The following ZNF536 variants were observed in gnomAD, a reference collection of about 807,000 sequenced individuals.
ZNF536 encodes the protein zinc finger protein 536.
In ZNF536, 13 loss-of-function variants were observed where a neutral mutation model predicts 84.5. The ratio of observed to expected loss-of-function variants is 0.15; its 90% CI spans 0.10 to 0.24. The LOEUF (loss-of-function observed/expected upper bound fraction) is 0.24. ZNF536 is among the 10% of genes least tolerant of loss of function. The probability of loss-of-function intolerance (pLI) is 1.00; values close to 1 mark genes in which losing one functional copy is unlikely to be tolerated. For synonymous variants in ZNF536, 811 were observed against 742.5 expected, an observed-to-expected ratio of 1.09 and a Z score of -1.50; for missense variants, 1,536 against 1,747.5, an observed-to-expected ratio of 0.88 and a Z score of 2.16.
chr19:30,524,814 G>A (rs2044509193), intron 2 of ZNF536, among the ~76,000 whole-genome samples: 1 of 151,882 alleles, frequency 6.6e-6, no homozygotes, highest in Non-Finnish European at 1.5e-5. Flanking sequence ...CATCTTTTGG[G>A]AATTTATGCT....
chr19:30,645,969 G>T (rs549520713), intron 1 of ZNF536, among the ~76,000 whole-genome samples: 3 of 152,068 alleles, frequency 2.0e-5, no homozygotes, highest in African/African-American at 7.2e-5. Context: ...ATAAGCTTTG[G>T]GTTGGAGCCC....
At chr19:30,467,968 C>T (rs557031542) in intron 2 of ZNF536, among the ~76,000 whole-genome samples, 42 of 152,330 alleles carry the variant, frequency 2.8e-4, no homozygotes, top group African/African-American at 9.6e-4. Flanking sequence ...CTCTGCCATC[C>T]GGGAAGGAGG....
At chr19:30,489,437 C>T (rs578173307) in intron 2 of ZNF536, among the ~76,000 whole-genome samples, 15 of 151,774 alleles carry the variant, frequency 9.9e-5, no homozygotes, top group Non-Finnish European at 1.5e-4. Context: ...TAAAAATTAG[C>T]GAGGTGTGGT....
At chr19:30,262,520 G>A (rs2025281269) in intron 1 of ZNF536, among the ~76,000 whole-genome samples, 1 of 152,240 alleles carries the variant, frequency 6.6e-6, no homozygotes, top group Non-Finnish European at 1.5e-5. Context: ...GCAGTCCTGT[G>A]CTTCCTGAAG....
intron 2 of ZNF536, among the ~76,000 whole-genome samples, chr19:30,334,708 C>G (rs1256673806): frequency 1.3e-5 from 2 of 152,150 alleles, no homozygotes. Context: ...ATTCTATGGC[C>G]TCAGCTCAAT....
chr19:30,521,522 G>A (rs1224026087), intron 2 of ZNF536, among the ~76,000 whole-genome samples: 1 of 152,170 alleles, frequency 6.6e-6, no homozygotes, highest in Non-Finnish European at 1.5e-5. Context: ...AGAAAAACAA[G>A]CAAACTTGAC....
At chr19:30,529,289 A>G (rs1371599022) in intron 2 of ZNF536, among the ~76,000 whole-genome samples, 2 of 152,208 alleles carry the variant, frequency 1.3e-5, no homozygotes, top group East Asian at 3.8e-4. Context: ...GCACCCATCC[A>G]TTCAAATCAT....
chr19:30,454,992 C>T (rs1330061814), intron 2 of ZNF536, among the ~76,000 whole-genome samples: 21 of 152,262 alleles, frequency 1.4e-4, no homozygotes, highest in Non-Finnish European at 2.9e-5. Context: ...GAGATCAAGC[C>T]ATTGCACTCC....
intron 2 of ZNF536, among the ~76,000 whole-genome samples, chr19:30,511,585 C>T (rs569583247): frequency 3.6e-4 from 55 of 152,258 alleles, no homozygotes; most frequent in African/African-American, 1.3e-3. Flanking sequence ...AAAGCATTTT[C>T]GGGTATGAGC....
chr19:30,401,549 CTCTTTTCATTTCTTTTCCTT>C (rs1568393681), intron 1 of ZNF536, among the ~76,000 whole-genome samples: 3 of 152,248 alleles, frequency 2.0e-5, no homozygotes, highest in Non-Finnish European at 4.4e-5. Context: ...TGTTTTGGGT[CTCTTTTCATTTCTTTTCCTT>C]GCTTACACAT....
chr19:30,566,763 G>C (rs183698139), intron 1 of ZNF536, among the ~76,000 whole-genome samples: 3 of 151,642 alleles, frequency 2.0e-5, no homozygotes, highest in Non-Finnish European at 4.4e-5. Flanking sequence ...TGGCCTCTCC[G>C]GGCAGTGGAG....
At chr19:30,571,042 TGGCCCCACATCGACACA>T (rs1459089155) in intron 1 of ZNF536, among the ~76,000 whole-genome samples, 1 of 152,240 alleles carries the variant, frequency 6.6e-6, no homozygotes, top group African/African-American at 2.4e-5. Context: ...AGTGTCTAAC[TGGCCCCACATCGACACA>T]GGCAGGCTTG....
Position 30,549,402 on chromosome 19 carries a change from G to T in ZNF536, c.3783G>T (p.Pro1261=), listed in dbSNP as rs139373364. The part of the protein sequence containing the change: ...PERGPQSLDK[P]MNMLSVLRAY... ...GGGGGCCCCAGAGCCTGGACAAGCC[G>T]ATGAACATGCTGTCGGTCCTCAGGG... is the stretch of plus-strand genomic sequence containing the variant. Residue 1261 remains proline (P), a synonymous_variant, in exon 4 of 5, where the codon CCG becomes CCT. Coordinates refer to ENST00000355537, the MANE Select transcript of ZNF536 (RefSeq NM_014717.3). The T allele has an allele frequency of 4.4e-6, 7 of 1,594,318 alleles. No individual in the cohort carries two copies. In the East Asian group the frequency reaches 1.6e-4, roughly 36 times the overall value.
At chr19:30,698,455 G>A (rs1478615329) in intron 1 of ZNF536, among the ~76,000 whole-genome samples, 1 of 152,106 alleles carries the variant, frequency 6.6e-6, no homozygotes, top group Non-Finnish European at 1.5e-5. Flanking sequence ...TGTATTCTTA[G>A]TGTTTTAGTT....
chr19:30,684,545 A>G (rs912120454), intron 1 of ZNF536, among the ~76,000 whole-genome samples: 1 of 152,194 alleles, frequency 6.6e-6, no homozygotes, highest in East Asian at 1.9e-4. Flanking sequence ...GAAAACTCTT[A>G]GTTCTCATTT....
At chr19:30,514,222 G>A (rs1232082014) in intron 2 of ZNF536, among the ~76,000 whole-genome samples, 1 of 152,162 alleles carries the variant, frequency 6.6e-6, no homozygotes, top group African/African-American at 2.4e-5. Flanking sequence ...TTATTCAATT[G>A]AAGCAGTTTG....
chr19:30,623,770 T>G (rs2048574050), intron 1 of ZNF536, among the ~76,000 whole-genome samples: 1 of 152,220 alleles, frequency 6.6e-6, no homozygotes, highest in African/African-American at 2.4e-5. Flanking sequence ...GGCCTTTTAT[T>G]ACTGTTTGCA....
At chr19:30,551,793 G>C (rs2045792663) in intron 4 of ZNF536, among the ~76,000 whole-genome samples, 2 of 152,324 alleles carry the variant, frequency 1.3e-5, no homozygotes, top group African/African-American at 4.8e-5. Context: ...TAGTTTGGAA[G>C]TAGGCAGGAA....
At chr19:30,642,496 G>C (rs1374572582) in intron 1 of ZNF536, among the ~76,000 whole-genome samples, 1 of 152,150 alleles carries the variant, frequency 6.6e-6, no homozygotes, top group African/African-American at 2.4e-5. Flanking sequence ...AGGAGGAATG[G>C]ACCTCAAAAG....
Sources: gnomAD v4.1 joint callset for allele counts (sites outside exome capture counted in the v4.1 genomes callset) on GRCh38, gnomAD v4.1.1 for gene constraint, MANE v1.5 for transcripts, NCBI Gene and HGNC (gene_info 2026-07-23, HGNC 2026-07-21) for gene names.